Variants in IL1RAP observed in about 807,000 individuals in gnomAD.
IL1RAP encodes interleukin-1 receptor accessory protein.
A neutral mutation model predicts 60.7 loss-of-function variants in IL1RAP; 35 were observed. The observed-to-expected ratio is 0.58, with a 90% confidence interval of 0.44 to 0.76. The LOEUF (loss-of-function observed/expected upper bound fraction) is 0.76, where lower values mean the gene tolerates loss of function less well. IL1RAP is among the 30% of genes least tolerant of loss of function. IL1RAP has a pLI of 0.00. For synonymous variants in IL1RAP, 268 were observed against 250.9 expected (o/e 1.07, Z -0.64); for missense variants, 572 against 693.9 (o/e 0.82, Z 1.97).
At chr3:190,564,267 A>G in intron 2 of IL1RAP, 22 bp from the exon 3 acceptor site, 1 of 1,535,724 alleles carries the variant, frequency 6.5e-7, no homozygotes, top group South Asian at 1.1e-5. Context: ...GATTTCCCTT[A>G]CCTTTGTATT....
chr3:190,542,975 C>T (rs1724071068), intron 1 of IL1RAP, among the ~76,000 whole-genome samples: 1 of 145,562 alleles, frequency 6.9e-6, no homozygotes, highest in Non-Finnish European at 1.5e-5. Flanking sequence ...TTAAATCAGA[C>T]ATGTGAATCC....
chr3:190,591,295 A>G (rs1445719256), intron 3 of IL1RAP, among the ~76,000 whole-genome samples: 3 of 152,230 alleles, frequency 2.0e-5, no homozygotes. Flanking sequence ...TTATTTGCAC[A>G]TAGTCACGTG....
intron 2 of IL1RAP, among the ~76,000 whole-genome samples, chr3:190,562,574 C>T (rs1725983507): frequency 6.6e-6 from 1 of 152,004 alleles, no homozygotes; most frequent in Non-Finnish European, 1.5e-5. Flanking sequence ...CCATGAGAGG[C>T]TTCGTAGCTG....
At chr3:190,608,710 G>T (rs377347590) in intron 4 of IL1RAP, among the ~76,000 whole-genome samples, 2 of 152,122 alleles carry the variant, frequency 1.3e-5, no homozygotes, top group African/African-American at 2.4e-5. Context: ...AAATGTCATC[G>T]TGTGACACAT....
At chr3:190,651,646 G>A (rs1018106360), downstream of IL1RAP, 6 of 153,662 alleles carry the variant, frequency 3.9e-5, no homozygotes, top group African/African-American at 1.4e-4. Context: ...GTGTCTTTCT[G>A]AGATAAATCT....
At chr3:190,559,823 T>C (rs1725732476) in intron 2 of IL1RAP, among the ~76,000 whole-genome samples, 1 of 152,204 alleles carries the variant, frequency 6.6e-6, no homozygotes, top group African/African-American at 2.4e-5. Flanking sequence ...TTGAAAAGAA[T>C]GCCTTATTTT....
At chr3:190,633,258 T>C (rs549805565) in intron 9 of IL1RAP, among the ~76,000 whole-genome samples, 3 of 152,338 alleles carry the variant, frequency 2.0e-5, no homozygotes, top group African/African-American at 7.2e-5. Context: ...CTTAACTTTT[T>C]TCAGCATTTT....
At chr3:190,659,740 T>A (rs1411247816) in exon 12 of IL1RAP, 1 of 152,224 alleles carries the variant, frequency 6.6e-6, no homozygotes, top group Non-Finnish European at 1.5e-5. Context: ...AAGATACTAT[T>A]ATCAACCTCA....
At chr3:190,527,823 G>A (rs1234454929) in intron 1 of IL1RAP, among the ~76,000 whole-genome samples, 1 of 122,110 alleles carries the variant, frequency 8.2e-6, no homozygotes, top group African/African-American at 3.7e-5. Flanking sequence ...TTAAGGAAAG[G>A]TCTACACACA....
chr3:190,571,722 T>C (rs1025726316), intron 3 of IL1RAP, among the ~76,000 whole-genome samples: 3 of 152,194 alleles, frequency 2.0e-5, no homozygotes, highest in African/African-American at 7.2e-5. Context: ...GATTCACTGT[T>C]ATCACTTTAA....
chr3:190,579,438 A>C (rs1298839791), intron 3 of IL1RAP, among the ~76,000 whole-genome samples: 3 of 152,164 alleles, frequency 2.0e-5, no homozygotes, highest in African/African-American at 7.2e-5. Flanking sequence ...AAATAAGGAA[A>C]TAGAGGCCCG....
chr3:190,594,258 C>T (rs1417719302), intron 3 of IL1RAP, among the ~76,000 whole-genome samples: 1 of 152,140 alleles, frequency 6.6e-6, no homozygotes, highest in African/African-American at 2.4e-5. Flanking sequence ...GGTTGAGGAC[C>T]AGACTCCAAG....
chr3:190,609,665 G>A (rs1377179569), intron 5 of IL1RAP, among the ~76,000 whole-genome samples: 1 of 152,114 alleles, frequency 6.6e-6, no homozygotes, highest in Non-Finnish European at 1.5e-5. Flanking sequence ...TAAAAGTGTT[G>A]GAAGGTAGCG....
intron 3 of IL1RAP, among the ~76,000 whole-genome samples, chr3:190,577,429 A>C (rs1727591165): frequency 6.6e-6 from 1 of 152,204 alleles, no homozygotes; most frequent in Non-Finnish European, 1.5e-5. Flanking sequence ...TTACCACATG[A>C]AAATTGGTAA....
intron 3 of IL1RAP, among the ~76,000 whole-genome samples, chr3:190,573,186 A>T (rs1210692104): frequency 6.6e-6 from 1 of 152,180 alleles, no homozygotes; most frequent in Non-Finnish European, 1.5e-5. Flanking sequence ...TCTGAAAAAA[A>T]GTGTACAGCA....
chr3:190,640,572 A>G (rs910177710), intron 9 of IL1RAP, among the ~76,000 whole-genome samples: 1 of 152,200 alleles, frequency 6.6e-6, no homozygotes, highest in African/African-American at 2.4e-5. Context: ...CGGAGTAGCC[A>G]TGGGTTCTGT....
chr3:190,636,282 A>T (rs576248771), intron 9 of IL1RAP, among the ~76,000 whole-genome samples: 70 of 152,302 alleles, frequency 4.6e-4, no homozygotes, highest in South Asian at 8.3e-4. Flanking sequence ...ATACTTTGTT[A>T]TTCAGTTATT....
chr3:190,619,926 C>T (rs1274128761), intron 5 of IL1RAP, among the ~76,000 whole-genome samples: 1 of 152,082 alleles, frequency 6.6e-6, no homozygotes, highest in Non-Finnish European at 1.5e-5. Flanking sequence ...TTCTAAATAG[C>T]AGGTCTTGCA....
intron 1 of IL1RAP, among the ~76,000 whole-genome samples, chr3:190,554,290 C>G (rs73060118): frequency 0.041 from 6,234 of 152,002 alleles, 382 homozygotes; most frequent in African/African-American, 0.13. Context: ...GAAACGGGCT[C>G]TCAGCAAAGT....
Sources: allele counts gnomAD v4.1 joint callset (sites outside exome capture counted in the v4.1 genomes callset), GRCh38; gene constraint gnomAD v4.1.1; transcripts MANE v1.5; gene names NCBI Gene and HGNC (gene_info 2026-07-23, HGNC 2026-07-21).